The following BNC2 variants were observed in gnomAD, a reference collection of about 807,000 sequenced individuals.
BNC2 encodes the protein zinc finger protein basonuclin-2.
A neutral mutation model predicts 76.3 loss-of-function variants in BNC2; 20 were observed. The observed-to-expected ratio is 0.26, with a 90% CI of 0.18 to 0.38. The LOEUF is 0.38. Ranked by LOEUF, BNC2 falls within the 10% of genes least tolerant of loss-of-function variation. The pLI is 1.00. For missense variants in BNC2, 1,382 were observed against 1,399.8 expected (o/e 0.99, Z 0.20); for synonymous variants, 582 against 514.8 (o/e 1.13, Z -1.77).
rs560451957 is a variant in BNC2 at position 16,526,701 on chromosome 9, C to T, written c.669+25829G>A. On this transcript the variant is annotated intron_variant, in intron 5 of 6. Coordinates refer to ENST00000380672, the MANE Select transcript of BNC2 (RefSeq NM_017637.6). ...TGCCATAATTTATTGCCTGAACTCC[C>T]CATTGATATGACCATGATATGTCAA... Among the ~76,000 whole-genome samples, 5 of 152,064 alleles carry T rather than the reference C, an allele frequency of 3.3e-5. No homozygotes were observed. In the South Asian group the frequency reaches 1.0e-3, roughly 32 times the overall value.
chr9:16,596,467 G>A (rs1820082598), intron 3 of BNC2, among the ~76,000 whole-genome samples: 1 of 152,012 alleles, frequency 6.6e-6, no homozygotes, highest in South Asian at 2.1e-4. Context: ...TTCTAAGATA[G>A]CAACAATGCA....
intron 3 of BNC2, among the ~76,000 whole-genome samples, chr9:16,663,189 G>A (rs1822164568): frequency 6.8e-6 from 1 of 147,210 alleles, no homozygotes; most frequent in South Asian, 2.1e-4. Flanking sequence ...GAGTGCAGTG[G>A]CGCAATCCCG....
At chr9:16,705,304 C>A (rs1366979494) in intron 3 of BNC2, among the ~76,000 whole-genome samples, 1 of 152,232 alleles carries the variant, frequency 6.6e-6, no homozygotes. Flanking sequence ...TGCCATTAAA[C>A]CCTGCCAAGG....
chr9:16,418,971 G>C lies in BNC2; in HGVS notation c.*18C>G. ...GGCCATCTGGTGAGAGCTGGCATTT[G>C]TAGTGTCCATTCTGAGACTAATCTA... On this transcript the variant is annotated 3_prime_UTR_variant, in exon 7 of 7. Transcript: ENST00000380672. 1 of 1,613,854 alleles carries C rather than the reference G, an allele frequency of 6.2e-7. No individual in the cohort carries two copies. The highest frequency in any genetic ancestry group is 8.5e-7 in the Non-Finnish European group (1 of 1,179,864).
At chr9:16,704,646 T>A (rs1823608323) in intron 3 of BNC2, 1 of 140,532 alleles carries the variant, frequency 7.1e-6, no homozygotes. Context: ...ATTGTATCCC[T>A]CTGACTAATA....
chr9:16,764,845 G>A (rs1002972053), intron 1 of BNC2, among the ~76,000 whole-genome samples: 3 of 149,370 alleles, frequency 2.0e-5, no homozygotes, highest in African/African-American at 7.4e-5. Flanking sequence ...ATAAGCTTAT[G>A]GTCAATGAAA....
intron 6 of BNC2, 90 bp downstream of exon 6, chr9:16,435,465 A>C: frequency 1.4e-6 from 2 of 1,466,256 alleles, no homozygotes. Context: ...AAAAACATCT[A>C]AGTTGGATTT....
At chr9:16,669,377 C>T (rs186525234) in intron 3 of BNC2, among the ~76,000 whole-genome samples, 107 of 152,272 alleles carry the variant, frequency 7.0e-4, no homozygotes, top group African/African-American at 2.5e-3. Flanking sequence ...ATGTTAACCT[C>T]AAATAATCCA....
intron 4 of BNC2, among the ~76,000 whole-genome samples, chr9:16,571,640 T>C (rs1159865007): frequency 6.6e-6 from 1 of 152,070 alleles, no homozygotes; most frequent in East Asian, 1.9e-4. Context: ...AATTGCGCAC[T>C]CAGCACCCCG....
intron 1 of BNC2, among the ~76,000 whole-genome samples, chr9:16,855,025 A>T (rs977159688): frequency 1.3e-5 from 2 of 151,352 alleles, no homozygotes; most frequent in Non-Finnish European, 2.9e-5. Context: ...TTATAATCTG[A>T]CTCCCCATTT....
intron 3 of BNC2, among the ~76,000 whole-genome samples, chr9:16,590,187 A>T (rs1400273829): frequency 6.6e-6 from 1 of 151,720 alleles, no homozygotes; most frequent in Non-Finnish European, 1.5e-5. Flanking sequence ...AAAAGAAGAA[A>T]TTTTTTTTTA....
At chr9:16,445,706 C>T (rs1438130619) in intron 5 of BNC2, among the ~76,000 whole-genome samples, 4 of 152,118 alleles carry the variant, frequency 2.6e-5, no homozygotes, top group Admixed American at 6.6e-5. Flanking sequence ...AGAATGATTT[C>T]GAAATAAAAA....
chr9:16,588,374 T>C (rs1281345954), intron 3 of BNC2, among the ~76,000 whole-genome samples: 1 of 152,210 alleles, frequency 6.6e-6, no homozygotes, highest in African/African-American at 2.4e-5. Context: ...CACTTTGACA[T>C]ACATAATACC....
chr9:16,454,441 C>T (rs939790911), intron 5 of BNC2, among the ~76,000 whole-genome samples: 15 of 152,130 alleles, frequency 9.9e-5, no homozygotes, highest in African/African-American at 3.6e-4. Flanking sequence ...GCTAGGACTA[C>T]AGGCATGTGC....
intron 3 of BNC2, among the ~76,000 whole-genome samples, chr9:16,636,517 G>A (rs1417473282): frequency 6.6e-6 from 1 of 151,994 alleles, no homozygotes; most frequent in East Asian, 1.9e-4. Flanking sequence ...TGCCTAGGGT[G>A]GTCTTGAACT....
intron 3 of BNC2, among the ~76,000 whole-genome samples, chr9:16,662,978 C>G (rs1822153556): frequency 6.6e-6 from 1 of 152,084 alleles, no homozygotes; most frequent in Non-Finnish European, 1.5e-5. Flanking sequence ...GATCTGCCCT[C>G]AAGGAGGTTA....
intron 1 of BNC2, among the ~76,000 whole-genome samples, chr9:16,744,798 C>G (rs557604552): frequency 6.6e-6 from 1 of 152,288 alleles, no homozygotes; most frequent in South Asian, 2.1e-4. Context: ...TGAGCTTTAT[C>G]AGAAAAACTG....
At chr9:16,677,578 A>AACACACACACACAC (rs57587457) in intron 3 of BNC2, among the ~76,000 whole-genome samples, 18,212 of 139,150 alleles carry the variant, frequency 0.13, 1,827 homozygotes, top group East Asian at 0.49. Flanking sequence ...GTCTCAAACA[A>AACACACACACACAC]ACACACACAC....
At chr9:16,698,428 C>T (rs1329671697) in intron 3 of BNC2, among the ~76,000 whole-genome samples, 2 of 152,138 alleles carry the variant, frequency 1.3e-5, no homozygotes, top group East Asian at 1.9e-4. Context: ...CGGTGGCTCA[C>T]GCCTGTAATC....
Sources: gnomAD v4.1 joint callset for allele counts (sites outside exome capture counted in the v4.1 genomes callset) on GRCh38, gnomAD v4.1.1 for gene constraint, MANE v1.5 for transcripts, NCBI Gene and HGNC (gene_info 2026-07-23, HGNC 2026-07-21) for gene names.